The following L3MBTL1 variants were observed in gnomAD, a reference collection of about 807,000 sequenced individuals.
L3MBTL1 encodes L3MBTL histone methyl-lysine binding protein 1.
Under a neutral mutation model 105.3 loss-of-function variants are expected in L3MBTL1, and 75 were observed. The observed-to-expected ratio is 0.71, with a 90% CI of 0.59 to 0.86. The LOEUF is 0.86. Ranked by LOEUF, L3MBTL1 falls within the 40% of genes least tolerant of loss-of-function variation. L3MBTL1 has a pLI of 0.00. For synonymous variants in L3MBTL1, 452 were observed against 436.2 expected, an observed-to-expected ratio of 1.04 and a Z score of -0.45; for missense variants, 1,069 against 1,126.4, an observed-to-expected ratio of 0.95 and a Z score of 0.73.
At position 43,540,971 on chromosome 20, in the gene L3MBTL1, C is replaced by T. The variant is rs2019885907; in HGVS notation, c.2432C>T (p.Thr811Ile). Residue 811 changes from threonine to isoleucine, a missense_variant, in exon 22 of 22, where the codon ACT becomes ATT. Thr to Ile is a moderately conservative substitution (Grantham distance 89). Coordinates refer to ENST00000418998, the MANE Select transcript of L3MBTL1 (RefSeq NM_001377303.1). ...AGAGTGACCCATGTATCTGGGAAGA[C>T]TCTAGTCTGGACTGTGGCCCAGCTT... ...IVRVTHVSGKTLVWTVAQLGD... is the reference protein window; with the variant it reads ...IVRVTHVSGKILVWTVAQLGD... 1 of 1,614,154 alleles carries T rather than the reference C, an allele frequency of 6.2e-7. No homozygotes were observed. The highest frequency in any genetic ancestry group is 1.3e-5 in the African/African-American group (1 of 75,030).
chr20:43,511,109 G>A (rs2018123776), intron 1 of L3MBTL1, among the ~76,000 whole-genome samples: 1 of 151,824 alleles, frequency 6.6e-6, no homozygotes, highest in Admixed American at 6.6e-5. Flanking sequence ...ACAGTGGGAC[G>A]ATCTCGGCTC....
chr20:43,522,454 TAAG>T (rs1297138453), intron 7 of L3MBTL1, among the ~76,000 whole-genome samples: 1 of 130,746 alleles, frequency 7.6e-6, no homozygotes. Context: ...TTTTCCCTGC[TAAG>T]TTTTTTTTTT....
At chr20:43,530,743 T>G (rs1310406491) in intron 10 of L3MBTL1, 55 bp from the exon 11 acceptor site, 1 of 1,529,144 alleles carries the variant, frequency 6.5e-7, no homozygotes, top group Admixed American at 1.7e-5. Context: ...TGGGGTGCCC[T>G]TGCTGTGGCC....
Position 43,541,402 on chromosome 20 carries a change from G to C in L3MBTL1, c.*274G>C, listed in dbSNP as rs1288735025. On this transcript the variant is annotated 3_prime_UTR_variant, in exon 22 of 22. Transcript: ENST00000418998. ...TGGGTTTAATGAGGTCTACCTTGCAGAGCCATTGTGAGCATTGGAAATGAT... is the reference window on the plus strand; with the variant it reads ...TGGGTTTAATGAGGTCTACCTTGCACAGCCATTGTGAGCATTGGAAATGAT... 3 of 415,580 alleles carry C rather than the reference G, an allele frequency of 7.2e-6. No individual in the cohort carries two copies. The highest frequency in any genetic ancestry group is 1.3e-5 in the Non-Finnish European group (3 of 232,234). The allele number at this position is 415,580 out of a possible 1,614,324, so 25.7% of individuals were successfully genotyped here. A position where few individuals can be genotyped will look rare whatever the true frequency, so the allele number is the denominator to read the frequency against.
At chr20:43,517,937 G>A (rs1006906592) in intron 7 of L3MBTL1, among the ~76,000 whole-genome samples, 3 of 152,314 alleles carry the variant, frequency 2.0e-5, no homozygotes, top group Admixed American at 6.5e-5. Flanking sequence ...GAAGGCAAAG[G>A]TTTAGCTCTC....
chr20:43,510,168 T>C (rs1046426305), intron 1 of L3MBTL1, among the ~76,000 whole-genome samples: 5 of 152,052 alleles, frequency 3.3e-5, no homozygotes, highest in African/African-American at 1.2e-4. Flanking sequence ...CTGGCTAACT[T>C]TTGTACTTTT....
intron 10 of L3MBTL1, among the ~76,000 whole-genome samples, 170 bp downstream of exon 10, chr20:43,530,589 C>T (rs543100169): frequency 6.6e-6 from 1 of 152,346 alleles, no homozygotes; most frequent in East Asian, 1.9e-4. Flanking sequence ...CCAAGTTGAC[C>T]AGAAGCCCTA....
chr20:43,544,627 C>T (rs754490013), downstream of L3MBTL1, among the ~76,000 whole-genome samples: 2 of 152,018 alleles, frequency 1.3e-5, no homozygotes, highest in African/African-American at 4.8e-5. Context: ...AAATCTCAGG[C>T]GATATACAAG....
In L3MBTL1 at chr20:43,533,991, C is replaced by T. The variant is rs760574607; in HGVS notation, c.1514-17C>T. On this transcript the variant is annotated splice_polypyrimidine_tract_variant and intron_variant, in intron 13 of 21. Transcript: ENST00000418998. Reference sequence around the variant, plus strand: ...TACACCTGGGTGGCTAGACATTGCTCTCATCCTCTCCTCCAGACTACCCAG... The same window carrying T: ...TACACCTGGGTGGCTAGACATTGCTTTCATCCTCTCCTCCAGACTACCCAG... 3 of 1,601,698 alleles carry T rather than the reference C, an allele frequency of 1.9e-6. No individual in the cohort carries two copies. Among genetic ancestry groups the T allele is most frequent in the Non-Finnish European group, 2.6e-6 (3 of 1,168,886 alleles).
At chr20:43,531,024 A>T (rs558228522) in intron 11 of L3MBTL1, 135 bp downstream of exon 11, 10 of 724,990 alleles carry the variant, frequency 1.4e-5, no homozygotes, top group Non-Finnish European at 2.1e-5. Context: ...CTCATATCAG[A>T]TGGGAGGGGT....
downstream of L3MBTL1, among the ~76,000 whole-genome samples, chr20:43,542,463 T>A (rs1482366862): frequency 6.6e-6 from 1 of 152,162 alleles, no homozygotes; most frequent in Non-Finnish European, 1.5e-5. Context: ...AGAAGTGTTT[T>A]AATTGAGATA....
At chr20:43,519,010 A>T (rs967678313) in intron 7 of L3MBTL1, among the ~76,000 whole-genome samples, 1 of 150,204 alleles carries the variant, frequency 6.7e-6, no homozygotes, top group Non-Finnish European at 1.5e-5. Context: ...TAGGCAACAG[A>T]CCAAGACTCT....
At position 43,514,741 on chromosome 20, in the gene L3MBTL1, C is replaced by T. The variant is rs776423481; in HGVS notation, c.467C>T (p.Pro156Leu). ...GVTEYEDGGA[P>L]AGDGEAGPQQ... ...ACCGAATACGAAGATGGCGGGGCCCCGGCGGGAGATGGCGAGGCGGGCCCC... is the reference window on the plus strand; with the variant it reads ...ACCGAATACGAAGATGGCGGGGCCCTGGCGGGAGATGGCGAGGCGGGCCCC... The change falls in exon 4 of 22, where the codon CCG becomes CTG. Residue 156 changes from proline to leucine, a missense_variant. Transcript: ENST00000418998. 1.3e-6 allele frequency: 2 copies of T among 1,568,348 alleles called. No homozygotes were observed. The highest frequency in any genetic ancestry group is 2.3e-5 in the South Asian group (2 of 85,826).
At chr20:43,549,506 T>A (rs1394516199) in exon 19 of L3MBTL1, 1 of 152,236 alleles carries the variant, frequency 6.6e-6, no homozygotes, top group African/African-American at 2.4e-5. Context: ...CTCTGGGACT[T>A]CCACTTCTCA....
intron 9 of L3MBTL1, 49 bp downstream of exon 9, chr20:43,529,417 A>T (rs371569263): frequency 1.5e-6 from 2 of 1,295,192 alleles, no homozygotes; most frequent in African/African-American, 2.9e-5. Context: ...CTCAGTGCAG[A>T]TTGATGGATC....
chr20:43,532,414 A>G (rs1422157899), intron 11 of L3MBTL1: 1 of 213,176 alleles, frequency 4.7e-6, no homozygotes, highest in African/African-American at 2.3e-5. Context: ...CTTCCCAGCC[A>G]CCCCACTGTT....
chr20:43,523,555 A>G, intron 7 of L3MBTL1: 1 of 256,750 alleles, frequency 3.9e-6, no homozygotes, highest in Admixed American at 3.9e-5. Context: ...GCACTAGTGG[A>G]CCAGTATCCT....
intron 1 of L3MBTL1, among the ~76,000 whole-genome samples, chr20:43,510,040 C>T (rs6065615): frequency 0.38 from 58,219 of 151,892 alleles, 11,700 homozygotes; most frequent in African/African-American, 0.51. Context: ...AATTTTTGTA[C>T]TTTTGGTAGA....
At chr20:43,535,780 C>A in intron 16 of L3MBTL1, 57 bp from the exon 17 acceptor site, 1 of 1,146,870 alleles carries the variant, frequency 8.7e-7, no homozygotes, top group Non-Finnish European at 1.3e-6. Flanking sequence ...TCCTTCCGTG[C>A]CCCACACTCC....
Sources: gnomAD v4.1 joint callset for allele counts (sites outside exome capture counted in the v4.1 genomes callset) on GRCh38, gnomAD v4.1.1 for gene constraint, MANE v1.5 for transcripts, NCBI Gene and HGNC (gene_info 2026-07-23, HGNC 2026-07-21) for gene names.